The following VAV2 variants were observed in gnomAD, a reference collection of about 807,000 sequenced individuals.
VAV2 encodes vav guanine nucleotide exchange factor 2.
A neutral mutation model predicts 132.5 loss-of-function variants in VAV2; 67 were observed. That is an observed-to-expected ratio of 0.51 (90% CI 0.42 to 0.62). The LOEUF (loss-of-function observed/expected upper bound fraction) is 0.62, where lower values mean the gene tolerates loss of function less well. VAV2 is among the 20% of genes least tolerant of loss of function. The probability of loss-of-function intolerance (pLI) is 0.00; values close to 1 mark genes in which losing one functional copy is unlikely to be tolerated. For synonymous variants in VAV2, 492 were observed against 443.5 expected (o/e 1.11, Z -1.37); for missense variants, 938 against 1,153.6 (o/e 0.81, Z 2.71).
intron 2 of VAV2, among the ~76,000 whole-genome samples, chr9:133,871,403 C>T (rs113007525): frequency 5.6e-5 from 8 of 142,794 alleles, no homozygotes; most frequent in East Asian, 4.3e-4. Context: ...GATGGACGGA[C>T]GGATGGATGG....
At chr9:133,806,440 G>A (rs56174430) in intron 8 of VAV2, among the ~76,000 whole-genome samples, 5,571 of 152,252 alleles carry the variant, frequency 0.037, 116 homozygotes, top group Middle Eastern at 0.065. Context: ...GACACGCAGC[G>A]GCCGACTCGG....
rs369987755 is a variant in VAV2 at position 133,797,815 on chromosome 9, C to T, written c.837-6G>A. The T allele has an allele frequency of 4.0e-5, 65 of 1,613,506 alleles. No homozygotes were observed. The highest frequency in any genetic ancestry group is 3.3e-4 in the Middle Eastern group (2 of 6,050). ...ACTCCCCGTAGATCAGAAGCCTGGA[C>T]GGTGCACACACACGCACACACGCAC... On this transcript the variant is annotated splice_region_variant and splice_polypyrimidine_tract_variant and intron_variant, in intron 9 of 29. Coordinates refer to ENST00000371850, the MANE Select transcript of VAV2 (RefSeq NM_001134398.2).
At chr9:133,924,816 C>T (rs963488302) in intron 2 of VAV2, among the ~76,000 whole-genome samples, 16 of 152,234 alleles carry the variant, frequency 1.1e-4, no homozygotes, top group African/African-American at 3.9e-4. Flanking sequence ...GAAAACAGCC[C>T]AGTGTCCACC....
At position 133,861,393 on chromosome 9, in the gene VAV2, C is replaced by T. The variant is rs763756887; in HGVS notation, c.361G>A (p.Ala121Thr). The part of the protein sequence containing the change: ...AVSRLSLHSI[A>T]QNKGIRPFPS... ...GCTCACCTGATCCCTTTGTTCTGCG[C>T]GATGCTGTGCAGGGAGAGCCTCGAC... Residue 121 changes from alanine to threonine, a missense_variant, in exon 3 of 30, where the codon GCG (alanine) becomes ACG (threonine). Ala to Thr is a moderately conservative substitution (Grantham distance 58). Coordinates refer to ENST00000371850, the MANE Select transcript of VAV2 (RefSeq NM_001134398.2). The T allele has an allele frequency of 2.2e-5, 36 of 1,613,234 alleles. No individual in the cohort carries two copies. Among genetic ancestry groups the T allele is most frequent in the East Asian group, 4.5e-5 (2 of 44,872 alleles).
intron 2 of VAV2, among the ~76,000 whole-genome samples, chr9:133,937,389 T>C (rs1283391258): frequency 1.3e-5 from 2 of 148,736 alleles, no homozygotes; most frequent in African/African-American, 5.0e-5. Context: ...TGTCCATGGA[T>C]GTCTGTGTCA....
intron 4 of VAV2, among the ~76,000 whole-genome samples, chr9:133,819,582 G>C (rs185350277): frequency 3.9e-5 from 6 of 152,242 alleles, no homozygotes; most frequent in Admixed American, 3.9e-4. Context: ...TCAGTTATCC[G>C]AGCCTGTTGA....
At chr9:133,800,799 C>T (rs1027839928) in intron 9 of VAV2, among the ~76,000 whole-genome samples, 3 of 152,200 alleles carry the variant, frequency 2.0e-5, no homozygotes, top group Admixed American at 6.5e-5. Flanking sequence ...CATGCTCTAC[C>T]GGGAACACCC....
At chr9:133,798,012 C>T (rs928136410) in intron 9 of VAV2, among the ~76,000 whole-genome samples, 15 of 152,196 alleles carry the variant, frequency 9.9e-5, no homozygotes, top group Admixed American at 1.3e-4. Context: ...GGAGGGCTGC[C>T]GGCGTGCTGG....
At chr9:133,909,675 G>C (rs116307920) in intron 2 of VAV2, among the ~76,000 whole-genome samples, 1 of 152,150 alleles carries the variant, frequency 6.6e-6, no homozygotes, top group East Asian at 1.9e-4. Context: ...TGGGCAAAGA[G>C]GGGGAGACAG....
At position 133,912,809 on chromosome 9, in the gene VAV2, G is replaced by A. The variant is rs1053339564; in HGVS notation, c.321+26294C>T. On this transcript the variant is annotated intron_variant, in intron 2 of 29. Coordinates refer to ENST00000371850, the MANE Select transcript of VAV2 (RefSeq NM_001134398.2). The surrounding 1 kb of genome is among the most constrained non-coding windows in gnomAD (Gnocchi z 4.3). ...CTAAAATCACAATCGTCCTGTCCTC[G>A]TTCCGTCCCTCTAAAATCAGAGTCG... 3.3e-5 allele frequency among the ~76,000 whole-genome samples: 5 copies of A among 152,104 alleles called. No individual in the cohort carries two copies. The highest frequency in any genetic ancestry group is 6.6e-5 in the Admixed American group (1 of 15,264).
rs912006395 is a variant in VAV2, at chr9:133,883,376, C to T, written c.322-21944G>A. On this transcript the variant is annotated intron_variant, in intron 2 of 29. Transcript: ENST00000371850. This position sits in a 1 kb window ranked among gnomAD's most constrained non-coding sequence, Gnocchi z 4.2. ...GTGTGCCAAGTGAGTGTGGGGCTGA[C>T]GGGTGTGAGCCACAGTGGGCAGTCA... is the stretch of plus-strand genomic sequence containing the variant. 1.3e-5 allele frequency among the ~76,000 whole-genome samples: 2 copies of T among 152,182 alleles called. No individual in the cohort carries two copies. Among genetic ancestry groups the T allele is most frequent in the African/African-American group, 4.8e-5 (2 of 41,432 alleles).
At chr9:133,890,368 C>A (rs1337912526) in intron 2 of VAV2, among the ~76,000 whole-genome samples, 1 of 152,198 alleles carries the variant, frequency 6.6e-6, no homozygotes, top group Admixed American at 6.5e-5. Flanking sequence ...GGCTGTGAGT[C>A]CAGGAGTGAG....
intron 9 of VAV2, among the ~76,000 whole-genome samples, chr9:133,805,293 G>T (rs1441580987): frequency 6.6e-6 from 1 of 152,160 alleles, no homozygotes; most frequent in Non-Finnish European, 1.5e-5. Context: ...CCCGGACATG[G>T]TATTTGTAAC....
At chr9:133,812,036 G>A (rs1335787350) in intron 5 of VAV2, 78 bp downstream of exon 5, 68 of 1,444,340 alleles carry the variant, frequency 4.7e-5, no homozygotes, top group Admixed American at 1.4e-4. Context: ...GGGACAGCTC[G>A]GTATTGTGTT....
intron 2 of VAV2, among the ~76,000 whole-genome samples, chr9:133,861,790 C>A (rs895797816): frequency 5.3e-5 from 8 of 152,188 alleles, no homozygotes; most frequent in Non-Finnish European, 1.0e-4. Flanking sequence ...TGCTGCTGTT[C>A]TGCAAGGTAC....
intron 2 of VAV2, among the ~76,000 whole-genome samples, chr9:133,908,365 C>A (rs550753705): frequency 1.3e-5 from 2 of 152,226 alleles, no homozygotes; most frequent in East Asian, 3.9e-4. Context: ...AGCTGAAACC[C>A]CCCATGCGAG....
chr9:133,782,189 G>T (rs1834035417), intron 19 of VAV2, among the ~76,000 whole-genome samples: 1 of 152,262 alleles, frequency 6.6e-6, no homozygotes, highest in African/African-American at 2.4e-5. Context: ...ATCATTTCTA[G>T]GTAAGTTCAC....
rs1843036437 is a variant in VAV2 at position 133,991,959 on chromosome 9, C to T, written c.204+116G>A. 5 of 897,460 alleles carry T rather than the reference C, an allele frequency of 5.6e-6. No homozygotes were observed. The African/African-American group carries it at 9.1e-5, about 16-fold the overall frequency. 55.6% of individuals were successfully genotyped at this position (897,460 alleles called of 1,614,324 possible). ...AGCCGCCCGCCCGCGTCCCGGAGCC[C>T]GGCCGCCCCAGCCAGGGCGCCTGGG... On this transcript the variant is annotated intron_variant, in intron 1 of 29. Coordinates refer to ENST00000371850, the MANE Select transcript of VAV2 (RefSeq NM_001134398.2). This position sits in a 1 kb window ranked among gnomAD's most constrained non-coding sequence, Gnocchi z 4.8.
intron 1 of VAV2, among the ~76,000 whole-genome samples, chr9:133,942,183 C>G (rs1324736230): frequency 6.6e-6 from 1 of 152,256 alleles, no homozygotes; most frequent in Non-Finnish European, 1.5e-5. Context: ...AGAAGAGACA[C>G]AGAGAGACAT....
Sources: gnomAD v4.1 joint callset for allele counts (sites outside exome capture counted in the v4.1 genomes callset) on GRCh38, gnomAD v4.1.1 for gene constraint, Gnocchi (gnomAD v3.1) non-coding constraint, MANE v1.5 for transcripts, NCBI Gene and HGNC (gene_info 2026-07-23, HGNC 2026-07-21) for gene names.